Variants in NFIB observed in about 807,000 individuals in gnomAD.
The protein encoded by NFIB is nuclear factor I B.
In NFIB, 11 loss-of-function variants were observed where a neutral mutation model predicts 61.5. The ratio of observed to expected loss-of-function variants is 0.18; its 90% CI spans 0.11 to 0.30. The LOEUF (loss-of-function observed/expected upper bound fraction) is 0.30, where lower values mean the gene tolerates loss of function less well. Ranked by LOEUF, NFIB falls within the 10% of genes least tolerant of loss-of-function variation. NFIB has a pLI of 1.00. For missense variants in NFIB, 471 were observed against 608.9 expected (o/e 0.77, Z 2.38); for synonymous variants, 260 against 216.5 (o/e 1.20, Z -1.76).
the NFIB span, among the ~76,000 whole-genome samples, chr9:14,464,081 A>T: frequency 6.6e-6 from 1 of 152,156 alleles, no homozygotes; most frequent in African/African-American, 2.4e-5. Context: ...CTCCAGCCCT[A>T]CCGCTAGTGA....
At chr9:14,339,206 C>T (rs4741363) in intron 1 of NFIB, among the ~76,000 whole-genome samples, 144,362 of 152,248 alleles carry the variant, frequency 0.95, 68,921 homozygotes, top group Non-Finnish European at 1. Flanking sequence ...ATTGCTTTCA[C>T]GTAAATCACT....
intron 6 of NFIB, among the ~76,000 whole-genome samples, chr9:14,142,999 A>G (rs2041919466): frequency 6.6e-6 from 1 of 152,110 alleles, no homozygotes; most frequent in African/African-American, 2.4e-5. Flanking sequence ...TATAAATACT[A>G]CATAATATAG....
At chr9:14,329,087 T>C (rs1464150354) in intron 1 of NFIB, among the ~76,000 whole-genome samples, 1 of 152,202 alleles carries the variant, frequency 6.6e-6, no homozygotes, top group East Asian at 1.9e-4. Context: ...ATTGGCCTGC[T>C]TTCCTCACTT....
chr9:14,266,096 G>A (rs1425999002), intron 2 of NFIB, among the ~76,000 whole-genome samples: 1 of 152,158 alleles, frequency 6.6e-6, no homozygotes, highest in Non-Finnish European at 1.5e-5. Context: ...CTCACTCACT[G>A]TAGACCTCTC....
intron 2 of NFIB, among the ~76,000 whole-genome samples, chr9:14,200,907 T>TTTG (rs2048967540): frequency 6.6e-6 from 1 of 152,194 alleles, no homozygotes; most frequent in Non-Finnish European, 1.5e-5. Context: ...GTGCACAACC[T>TTTG]TTGTACACTC....
chr9:14,313,822 G>C lies in NFIB; in HGVS notation c.-311C>G, dbSNP rs2060406968. 1.5e-6 allele frequency: 2 copies of C among 1,300,000 alleles called. No individual in the cohort carries two copies. Among genetic ancestry groups the C allele is most frequent in the East Asian group, 3.3e-5 (1 of 29,866 alleles). The allele number at this position is 1,300,000 out of a possible 1,614,324, so 80.5% of individuals were successfully genotyped here. On this transcript the variant is annotated 5_prime_UTR_variant, in exon 1 of 11. Coordinates refer to ENST00000380953, the MANE Select transcript of NFIB (RefSeq NM_001190737.2). This position sits in a 1 kb window ranked among gnomAD's most constrained non-coding sequence, Gnocchi z 4.5. The stretch of plus-strand genomic sequence containing the variant: ...GCCGGTGTTGGCTGCTTTTCGCCTG[G>C]GTTTGGGGATTTGTTTTCTATTTTG...
At chr9:14,505,322 T>G in the NFIB span, among the ~76,000 whole-genome samples, 1 of 152,216 alleles carries the variant, frequency 6.6e-6, no homozygotes, top group Non-Finnish European at 1.5e-5. Flanking sequence ...TTTCTTTTTT[T>G]GTTATGTCCT....
chr9:14,249,462 AT>A (rs1264151931), intron 2 of NFIB, among the ~76,000 whole-genome samples: 2 of 152,122 alleles, frequency 1.3e-5, no homozygotes, highest in Non-Finnish European at 2.9e-5. Flanking sequence ...ATTCACCACA[AT>A]TGTTCATTCT....
chr9:14,380,600 G>T (rs975834682), intron 1 of NFIB, among the ~76,000 whole-genome samples: 1 of 152,130 alleles, frequency 6.6e-6, no homozygotes, highest in Admixed American at 6.5e-5. Context: ...ACAAATTACA[G>T]GAAGCAGCTG....
chr9:14,513,552 C>T, the NFIB span, among the ~76,000 whole-genome samples: 2 of 148,924 alleles, frequency 1.3e-5, no homozygotes, highest in East Asian at 2.0e-4. Flanking sequence ...TGCTTGAACT[C>T]GGGAGCCGGA....
rs1472704135 is a variant in NFIB, at chr9:14,361,615, C to G, written c.108+36909G>C. ...GCAATTGTATTAATTCAAGTCTACT[C>G]TCTTTGTAGTCTAGAACAGTCTCCC... On this transcript the variant is annotated intron_variant, in intron 1 of 8. Coordinates refer to the NFIB transcript ENST00000380934. 2.6e-5 allele frequency: 4 copies of G among 152,194 alleles called. No homozygotes were observed. The South Asian group carries it at 6.2e-4, about 24-fold the overall frequency. 9.4% of individuals were successfully genotyped at this position (152,194 alleles called of 1,614,324 possible).
At chr9:14,123,843 C>T (rs1373220111) in intron 7 of NFIB, among the ~76,000 whole-genome samples, 1 of 151,362 alleles carries the variant, frequency 6.6e-6, no homozygotes, top group Non-Finnish European at 1.5e-5. Flanking sequence ...CTCTGCCTCC[C>T]ACATTGCCCC....
intron 2 of NFIB, among the ~76,000 whole-genome samples, chr9:14,248,220 C>T (rs2055157450): frequency 6.6e-6 from 1 of 151,232 alleles, no homozygotes; most frequent in Admixed American, 6.6e-5. Context: ...TCTTTCCTCC[C>T]TTCCTTCCAT....
intron 2 of NFIB, among the ~76,000 whole-genome samples, chr9:14,296,027 AAG>A (rs772659300): frequency 6.6e-6 from 1 of 152,226 alleles, no homozygotes; most frequent in African/African-American, 2.4e-5. Context: ...TGCCTACACA[AAG>A]AGTTTTCACT....
At chr9:14,280,323 G>A (rs1215157831) in intron 2 of NFIB, among the ~76,000 whole-genome samples, 1 of 152,000 alleles carries the variant, frequency 6.6e-6, no homozygotes, top group Non-Finnish European at 1.5e-5. Flanking sequence ...TGCCTCATGG[G>A]GCTGATGTAA....
intron 3 of NFIB, among the ~76,000 whole-genome samples, chr9:14,177,014 A>G (rs2046263444): frequency 6.6e-6 from 1 of 152,230 alleles, no homozygotes; most frequent in Non-Finnish European, 1.5e-5. Flanking sequence ...CTCCCAGTGG[A>G]AAACTACCAG....
At chr9:14,291,230 T>C (rs1328866866) in intron 2 of NFIB, among the ~76,000 whole-genome samples, 2 of 152,082 alleles carry the variant, frequency 1.3e-5, no homozygotes, top group Non-Finnish European at 2.9e-5. Flanking sequence ...ACGCCTGTAA[T>C]CCCAGCACTT....
chr9:14,446,842 A>T, the NFIB span, among the ~76,000 whole-genome samples: 47 of 152,164 alleles, frequency 3.1e-4, no homozygotes, highest in Non-Finnish European at 4.7e-4. Context: ...TCATTTTAAC[A>T]ATCTTATTTT....
At chr9:14,220,870 C>A (rs987900842) in intron 2 of NFIB, among the ~76,000 whole-genome samples, 2 of 151,264 alleles carry the variant, frequency 1.3e-5, no homozygotes, top group Non-Finnish European at 2.9e-5. Flanking sequence ...CACACACACA[C>A]ACACACACAC....
Sources: gnomAD v4.1 joint callset for allele counts (sites outside exome capture counted in the v4.1 genomes callset) on GRCh38, gnomAD v4.1.1 for gene constraint, Gnocchi (gnomAD v3.1) non-coding constraint, MANE v1.5 for transcripts, NCBI Gene and HGNC (gene_info 2026-07-23, HGNC 2026-07-21) for gene names.